Variants in GNAI2 observed in about 807,000 individuals in gnomAD.
The protein encoded by GNAI2 is guanine nucleotide-binding protein G(i) subunit alpha-2.
Under a neutral mutation model 36.8 loss-of-function variants are expected in GNAI2, and 4 were observed. The ratio of observed to expected loss-of-function variants is 0.11; its 90% CI spans 0.05 to 0.25. The LOEUF is 0.25. Ranked by LOEUF, GNAI2 falls within the 10% of genes least tolerant of loss-of-function variation. GNAI2 has a pLI of 1.00. For synonymous variants in GNAI2, 194 were observed against 194.1 expected (o/e 1.00, Z 0.01); for missense variants, 230 against 481.3 (o/e 0.48, Z 4.89).
chr3:50,257,819 G>A, intron 8 of GNAI2, 105 bp downstream of exon 8: 1 of 576,132 alleles, frequency 1.7e-6, no homozygotes, highest in Non-Finnish European at 3.0e-6. Context: ...TGGAGGGGGA[G>A]GGGCAATAGG....
chr3:50,253,462 C>T lies in GNAI2; in HGVS notation c.464+278C>T, dbSNP rs9847587. 1.8e-3 allele frequency among the ~76,000 whole-genome samples: 274 copies of T among 152,144 alleles called. 1 individual carries two copies. The highest frequency in any genetic ancestry group is 6.3e-3 in the African/African-American group (261 of 41,498). On this transcript the variant is annotated intron_variant, in intron 4 of 8. Coordinates refer to ENST00000313601, the MANE Select transcript of GNAI2 (RefSeq NM_002070.4). This position sits in a 1 kb window ranked among gnomAD's most constrained non-coding sequence, Gnocchi z 4.2. ...TTGACAGTCTTCTAAAGAACATTTG[C>T]GGCCGGGCGTGGTGGCTCACGCCTG... is the stretch of plus-strand genomic sequence containing the variant.
At chr3:50,257,791 T>TGGGTTGGGGGGGG in intron 8 of GNAI2, 77 bp downstream of exon 8, 2 of 99,322 alleles carry the variant, frequency 2.0e-5, no homozygotes, top group Non-Finnish European at 1.7e-5. Context: ...GTTCTGGGGG[T>TGGGTTGGGGGGGG]GGGTAGGGGG....
At chr3:50,256,165 A>G (rs782603247) in intron 4 of GNAI2, 27 bp from the exon 5 acceptor site, 4 of 739,574 alleles carry the variant, frequency 5.4e-6, no homozygotes, top group African/African-American at 4.5e-5. Context: ...GCTGGCCCCC[A>G]CTGACCCTCC....
chr3:50,242,882 G>A lies in GNAI2; in HGVS notation c.118+6429G>A, dbSNP rs77677064. Among the ~76,000 whole-genome samples the A allele has an allele frequency of 9.7e-3, 1,473 of 152,316 alleles. 21 individuals carry two copies. Among genetic ancestry groups the A allele is most frequent in the African/African-American group, 0.034 (1,407 of 41,558 alleles). On this transcript the variant is annotated intron_variant, in intron 1 of 8. Transcript: ENST00000313601. The surrounding 1 kb of genome is among the most constrained non-coding windows in gnomAD (Gnocchi z 4.8). Reference sequence around the variant, plus strand: ...GCTGACAGCCTCAGGATATGCAAAGGAGGTGATGGCAGCACCTACTGTGTG... The same window carrying A: ...GCTGACAGCCTCAGGATATGCAAAGAAGGTGATGGCAGCACCTACTGTGTG...
At chr3:50,256,349 G>A (rs781839068) in intron 5 of GNAI2, 29 bp downstream of exon 5, 2 of 1,608,798 alleles carry the variant, frequency 1.2e-6, no homozygotes, top group African/African-American at 2.7e-5. Flanking sequence ...AGGTGGGAGG[G>A]GCAGGACCTG....
intron 7 of GNAI2, 68 bp downstream of exon 7, chr3:50,257,158 G>C (rs1700722171): frequency 6.9e-7 from 1 of 1,453,480 alleles, no homozygotes; most frequent in Non-Finnish European, 9.5e-7. Flanking sequence ...ATGGTGACCA[G>C]GTGGCCCTCA....
intron 1 of GNAI2, among the ~76,000 whole-genome samples, chr3:50,249,819 G>T (rs1700511520): frequency 6.6e-6 from 1 of 152,248 alleles, no homozygotes; most frequent in South Asian, 2.1e-4. Context: ...TGTGAGGAGG[G>T]CTCAGGCCTT....
chr3:50,230,652 T>C (rs1700053313), upstream of GNAI2: 1 of 212,772 alleles, frequency 4.7e-6, no homozygotes, highest in South Asian at 1.7e-4. Context: ...GTGCTGCCTG[T>C]GGTGAGCCCC....
At chr3:50,254,863 T>G (rs1460390155) in intron 4 of GNAI2, among the ~76,000 whole-genome samples, 1 of 152,160 alleles carries the variant, frequency 6.6e-6, no homozygotes, top group African/African-American at 2.4e-5. Context: ...TGGGAATGGG[T>G]TGCGGATTGG....
At chr3:50,230,806 A>G (rs1700054980) in exon 1 of GNAI2, 8 of 985,494 alleles carry the variant, frequency 8.1e-6, no homozygotes, top group Non-Finnish European at 9.6e-6. Context: ...CATGGGGTCA[A>G]GTCATGCCTC....
At chr3:50,256,100 T>C (rs1700691991) in intron 4 of GNAI2, 92 bp from the exon 5 acceptor site, 1 of 458,608 alleles carries the variant, frequency 2.2e-6, no homozygotes, top group Admixed American at 3.1e-5. Context: ...AGAAATGGCA[T>C]GGGAGGGAAG....
chr3:50,235,564 C>T (rs1700143984), upstream of GNAI2, among the ~76,000 whole-genome samples: 2 of 152,194 alleles, frequency 1.3e-5, no homozygotes, highest in Admixed American at 6.5e-5. Flanking sequence ...AAGTGATCTG[C>T]CCGCCTCGGC....
At position 50,258,947 on chromosome 3, in the gene GNAI2, TA is replaced by T. The variant is rs1700781728; in HGVS notation, c.*608del. ...GAAAACTTTTTAGAGAAAAACTATT[TA>T]AAACTGTCAGATCCTGACCAGCAAG... On this transcript the variant is annotated 3_prime_UTR_variant, in exon 9 of 9. Coordinates refer to ENST00000313601, the MANE Select transcript of GNAI2 (RefSeq NM_002070.4). 6.7e-6 allele frequency: 3 copies of T among 448,374 alleles called. No individual in the cohort carries two copies. Among genetic ancestry groups the T allele is most frequent in the South Asian group, 3.2e-5 (2 of 62,572 alleles). The allele number at this position is 448,374 out of a possible 1,614,324, so 27.8% of individuals were successfully genotyped here. A position where few individuals can be genotyped will look rare whatever the true frequency, so the allele number is the denominator to read the frequency against.
At chr3:50,254,416 G>A (rs1700640225) in intron 4 of GNAI2, among the ~76,000 whole-genome samples, 1 of 152,158 alleles carries the variant, frequency 6.6e-6, no homozygotes, top group Non-Finnish European at 1.5e-5. Context: ...CTACCCATAG[G>A]GTGGATTTCA....
intron 1 of GNAI2, among the ~76,000 whole-genome samples, chr3:50,243,898 T>C (rs782559264): frequency 6.6e-6 from 1 of 152,134 alleles, no homozygotes; most frequent in Admixed American, 6.6e-5. Context: ...CTATGGGCCC[T>C]GGCTTTCGGG....
At chr3:50,240,746 G>A (rs1315357911) in intron 1 of GNAI2, among the ~76,000 whole-genome samples, 5 of 151,800 alleles carry the variant, frequency 3.3e-5, no homozygotes, top group Non-Finnish European at 5.9e-5. Context: ...GTGAAACCCC[G>A]TCTCTACTAA....
At chr3:50,231,417 TA>T (rs1553699786), upstream of GNAI2, among the ~76,000 whole-genome samples, 6 of 152,238 alleles carry the variant, frequency 3.9e-5, no homozygotes. Flanking sequence ...TAGCCGGGAT[TA>T]CAGGCATGCG....
intron 1 of GNAI2, among the ~76,000 whole-genome samples, chr3:50,250,810 CTT>C (rs782677693): frequency 5.1e-4 from 69 of 136,538 alleles, no homozygotes; most frequent in Admixed American, 4.4e-4. Context: ...TGGGAGTCTG[CTT>C]TTTTTTTTTT....
intron 1 of GNAI2, among the ~76,000 whole-genome samples, chr3:50,245,659 G>C (rs890786158): frequency 3.9e-5 from 6 of 152,234 alleles, no homozygotes; most frequent in Non-Finnish European, 8.8e-5. Flanking sequence ...TGGGGCCTGA[G>C]GCGCCAGCGA....
Sources: gnomAD v4.1 joint callset for allele counts (sites outside exome capture counted in the v4.1 genomes callset) on GRCh38, gnomAD v4.1.1 for gene constraint, Gnocchi (gnomAD v3.1) non-coding constraint, MANE v1.5 for transcripts, NCBI Gene and HGNC (gene_info 2026-07-23, HGNC 2026-07-21) for gene names.